ATG12: variants seen among roughly 807,000 people sequenced by gnomAD.
ATG12 encodes autophagy related 12.
Under a neutral mutation model 17.6 loss-of-function variants are expected in ATG12, and 19 were observed. That is an observed-to-expected ratio of 1.08 (90% CI 0.75 to 1.58). ATG12 has a LOEUF of 1.58. Among genes scored for constraint, ATG12 ranks in the 40% most tolerant of loss-of-function variants. The probability of loss-of-function intolerance (pLI) is 0.00; values close to 1 mark genes in which losing one functional copy is unlikely to be tolerated. For missense variants in ATG12, 214 were observed against 162.0 expected, an observed-to-expected ratio of 1.32 and a Z score of -1.74; for synonymous variants, 75 against 62.4, an observed-to-expected ratio of 1.20 and a Z score of -0.95.
chr5:115,835,847 G>C (rs1761074599), intron 2 of ATG12, among the ~76,000 whole-genome samples: 2 of 152,040 alleles, frequency 1.3e-5, no homozygotes, highest in South Asian at 4.1e-4. Flanking sequence ...CTGGTGGTTT[G>C]TCCCCACCAA....
At position 115,835,449 on chromosome 5, in the gene ATG12, A is replaced by AGGC. The variant is rs767586853; in HGVS notation, c.300+2176_300+2178dup. Among the ~76,000 whole-genome samples the AGGC allele has an allele frequency of 2.0e-5, 3 of 152,142 alleles. No homozygotes were observed. In the South Asian group the frequency reaches 6.2e-4, roughly 32 times the overall value. ...TTTTGTATACTATTCAAAACGATGG[A>AGGC]GGCCTGCTTTGAGCTTTCCAGGCTC... On this transcript the variant is annotated intron_variant, in intron 2 of 3. Transcript: ENST00000509910.
At chr5:115,839,185 T>C (rs571679731) in intron 1 of ATG12, 40 of 152,010 alleles carry the variant, frequency 2.6e-4, no homozygotes, top group African/African-American at 9.2e-4. Context: ...AAACAGTGTA[T>C]TGCTGCCCCC....
rs1012755106 is a variant in ATG12 at position 115,831,728 on chromosome 5, A to G, written c.*76T>C. 38 of 1,382,098 alleles carry G rather than the reference A, an allele frequency of 2.7e-5. No homozygotes were observed. Among genetic ancestry groups the G allele is most frequent in the Admixed American group, 3.6e-5 (2 of 55,140 alleles). The allele number at this position is 1,382,098 out of a possible 1,614,324, so 85.6% of individuals were successfully genotyped here. A position where few individuals can be genotyped will look rare whatever the true frequency, so the allele number is the denominator to read the frequency against. On this transcript the variant is annotated 3_prime_UTR_variant, in exon 4 of 4. Transcript: ENST00000509910. ...CACATCTGTTAAGTCTCTTGCCACA[A>G]GCATCAAAACTTTTCAGAGCTGTCT... is the stretch of plus-strand genomic sequence containing the variant.
intron 2 of ATG12, among the ~76,000 whole-genome samples, chr5:115,836,129 T>G (rs900621030): frequency 6.6e-6 from 1 of 152,188 alleles, no homozygotes; most frequent in African/African-American, 2.4e-5. Context: ...ATTGCTTAAA[T>G]GGGAAAGGAT....
rs35310189 is a variant in ATG12 at position 115,832,571 on chromosome 5, C to CTTT, written c.363+28_363+30dup. On this transcript the variant is annotated intron_variant, in intron 3 of 3. Coordinates refer to ENST00000509910, the MANE Select transcript of ATG12 (RefSeq NM_004707.4). Reference sequence around the variant, plus strand: ...AAGAAAAAAAAGCAGTAATTTCTTTCTTTTTTTTTTTTTTTTTTTTTTTTT... The same window carrying CTTT: ...AAGAAAAAAAAGCAGTAATTTCTTTCTTTTTTTTTTTTTTTTTTTTTTTTTTTT... The CTTT allele has an allele frequency of 7.9e-4, 635 of 802,204 alleles. 1 individual carries two copies. Among genetic ancestry groups the CTTT allele is most frequent in the African/African-American group, 1.8e-3 (55 of 30,822 alleles). The allele number at this position is 802,204 out of a possible 1,614,324, so 49.7% of individuals were successfully genotyped here. A position where few individuals can be genotyped will look rare whatever the true frequency, so the allele number is the denominator to read the frequency against.
intron 2 of ATG12, among the ~76,000 whole-genome samples, chr5:115,836,176 A>G (rs886453381): frequency 3.3e-5 from 5 of 152,216 alleles, no homozygotes; most frequent in African/African-American, 1.2e-4. Flanking sequence ...TTTAACCCTT[A>G]TGAAATTGTT....
At chr5:115,831,895 A>T (rs931578294) in intron 3 of ATG12, 32 bp from the exon 4 acceptor site, 3 of 1,535,050 alleles carry the variant, frequency 2.0e-6, no homozygotes, top group Middle Eastern at 1.8e-4. Flanking sequence ...AATCAAACTC[A>T]ATCTTTTATT....
intron 2 of ATG12, among the ~76,000 whole-genome samples, chr5:115,836,798 C>A (rs1443796804): frequency 6.6e-6 from 1 of 152,154 alleles, no homozygotes; most frequent in Non-Finnish European, 1.5e-5. Flanking sequence ...ATATAAAAAA[C>A]ACTTAATGTG....
intron 2 of ATG12, among the ~76,000 whole-genome samples, chr5:115,836,409 G>A (rs1004878530): frequency 1.3e-5 from 2 of 152,104 alleles, no homozygotes; most frequent in African/African-American, 2.4e-5. Flanking sequence ...AACTCTTCAT[G>A]TTGCATCTTT....
intron 1 of ATG12, chr5:115,840,762 C>T (rs1761378107): frequency 8.5e-7 from 1 of 1,172,596 alleles, no homozygotes; most frequent in South Asian, 1.5e-5. Flanking sequence ...CAAAGGGAAA[C>T]ATTCTCAAGC....
rs1760819782 is a variant in ATG12 at position 115,830,378 on chromosome 5, A to C, written c.*1426T>G. The C allele has an allele frequency of 6.6e-6, 1 of 152,172 alleles. No homozygotes were observed. The highest frequency in any genetic ancestry group is 1.5e-5 in the Non-Finnish European group (1 of 68,026). 9.4% of individuals were successfully genotyped at this position (152,172 alleles called of 1,614,324 possible). ...ATATTTTTATTTGTTAAATATATGAATATAATTAAATATATTCCTTCAGTA... is the reference window on the plus strand; with the variant it reads ...ATATTTTTATTTGTTAAATATATGACTATAATTAAATATATTCCTTCAGTA... On this transcript the variant is annotated 3_prime_UTR_variant, in exon 4 of 4. Transcript: ENST00000509910.
At chr5:115,839,653 G>C (rs377374169) in intron 1 of ATG12, among the ~76,000 whole-genome samples, 2 of 152,248 alleles carry the variant, frequency 1.3e-5, no homozygotes, top group Non-Finnish European at 1.5e-5. Flanking sequence ...ATACACATTA[G>C]AATCAACTAG....
chr5:115,831,586 T>C lies in ATG12; in HGVS notation c.*218A>G. The C allele has an allele frequency of 1.7e-6, 1 of 602,612 alleles. No homozygotes were observed. The highest frequency in any genetic ancestry group is 2.9e-6 in the Non-Finnish European group (1 of 341,368). The allele number at this position is 602,612 out of a possible 1,614,324, so 37.3% of individuals were successfully genotyped here. A position where few individuals can be genotyped will look rare whatever the true frequency, so the allele number is the denominator to read the frequency against. On this transcript the variant is annotated 3_prime_UTR_variant, in exon 4 of 4. Transcript: ENST00000509910. Reference sequence around the variant, plus strand: ...ACAAGTAGGAGCAATGGGTGTACTATCATGACCATCTTTTATGATGACTGG... The same window carrying C: ...ACAAGTAGGAGCAATGGGTGTACTACCATGACCATCTTTTATGATGACTGG...
chr5:115,833,705 T>C (rs765160643), intron 2 of ATG12: 10 of 152,212 alleles, frequency 6.6e-5, no homozygotes, highest in Non-Finnish European at 1.2e-4. Flanking sequence ...TGCTGAAATA[T>C]CAATTTGTGG....
intron 3 of ATG12, 104 bp from the exon 4 acceptor site, chr5:115,831,967 T>A: frequency 9.6e-7 from 1 of 1,037,794 alleles, no homozygotes; most frequent in Non-Finnish European, 1.4e-6. Flanking sequence ...CACACGTATA[T>A]TAAGTTACCT....
intron 2 of ATG12, chr5:115,834,253 T>C (rs1225124286): frequency 6.6e-6 from 1 of 152,186 alleles, no homozygotes; most frequent in African/African-American, 2.4e-5. Flanking sequence ...GCATTCAATG[T>C]GATTTTGTAA....
chr5:115,837,581 G>A, intron 2 of ATG12, 47 bp downstream of exon 2: 1 of 1,601,152 alleles, frequency 6.2e-7, no homozygotes. Context: ...TGTTGCCTAG[G>A]AACTACTGCA....
intron 2 of ATG12, among the ~76,000 whole-genome samples, chr5:115,835,829 TG>T (rs1761073761): frequency 6.6e-6 from 1 of 152,204 alleles, no homozygotes; most frequent in Non-Finnish European, 1.5e-5. Flanking sequence ...ATGCAGGTCC[TG>T]TGGTTGCTGG....
intron 1 of ATG12, chr5:115,838,630 T>G (rs1206043993): frequency 6.6e-6 from 1 of 152,114 alleles, no homozygotes; most frequent in East Asian, 1.9e-4. Context: ...GTAATAAACT[T>G]TTTAATAAAG....
Sources: gnomAD v4.1 joint callset for allele counts (sites outside exome capture counted in the v4.1 genomes callset) on GRCh38, gnomAD v4.1.1 for gene constraint, MANE v1.5 for transcripts, NCBI Gene and HGNC (gene_info 2026-07-23, HGNC 2026-07-21) for gene names.